Variants in COA6 observed in about 807,000 individuals in gnomAD.
COA6 encodes cytochrome c oxidase assembly factor 6 homolog.
COA6 carries 12 observed loss-of-function variants against 17.1 expected under a neutral mutation model. The observed-to-expected ratio is 0.70, with a 90% CI of 0.45 to 1.14. The LOEUF (loss-of-function observed/expected upper bound fraction) is 1.14. Among genes scored for constraint, COA6 ranks in the 50% most tolerant of loss-of-function variants. The pLI, the probability that COA6 is intolerant of heterozygous loss-of-function variation, is 0.00. For synonymous variants in COA6, 90 were observed against 73.4 expected, an observed-to-expected ratio of 1.23 and a Z score of -1.16; for missense variants, 246 against 196.5, an observed-to-expected ratio of 1.25 and a Z score of -1.51.
At position 234,384,307 on chromosome 1, in the gene COA6, G is replaced by A. The variant is rs1659068266; in HGVS notation, c.*489G>A. ...TAGCTAATATCAACACTTAATGTTG[G>A]GACAGGAACTGGATGTCTAGCTAGT... On this transcript the variant is annotated 3_prime_UTR_variant, in exon 3 of 3. Transcript: ENST00000366615. Among the ~76,000 whole-genome samples the A allele has an allele frequency of 6.6e-6, 1 of 151,978 alleles. No homozygotes were observed. Among genetic ancestry groups the A allele is most frequent in the Non-Finnish European group, 1.5e-5 (1 of 67,996 alleles).
At chr1:234,374,112 G>GTTTT (rs61077059) in intron 1 of COA6, 118 bp from the exon 2 acceptor site, 8 of 861,652 alleles carry the variant, frequency 9.3e-6, no homozygotes, top group Non-Finnish European at 1.2e-5. Flanking sequence ...TTTTGTTTTT[G>GTTTT]TTTTTTTTTT....
intron 2 of COA6, among the ~76,000 whole-genome samples, chr1:234,381,250 G>A (rs1283474124): frequency 1.3e-5 from 2 of 152,186 alleles, no homozygotes; most frequent in East Asian, 1.9e-4. Context: ...TCGCATATGT[G>A]TATACAGTAT....
chr1:234,379,176 G>A (rs977099033), intron 2 of COA6, among the ~76,000 whole-genome samples: 3 of 151,728 alleles, frequency 2.0e-5, no homozygotes, highest in African/African-American at 7.3e-5. Context: ...CACTGTGCCC[G>A]GCCATGGTTG....
chr1:234,375,574 C>T (rs1658768416), intron 2 of COA6, among the ~76,000 whole-genome samples: 1 of 152,188 alleles, frequency 6.6e-6, no homozygotes, highest in Non-Finnish European at 1.5e-5. Flanking sequence ...AAGGAGGCTA[C>T]AAGAAGGCTG....
chr1:234,382,723 G>A (rs1049691510), intron 2 of COA6, among the ~76,000 whole-genome samples: 5 of 152,160 alleles, frequency 3.3e-5, no homozygotes, highest in African/African-American at 1.2e-4. Flanking sequence ...AAGAAAAATG[G>A]TCCAGGCTCA....
chr1:234,382,651 A>G (rs764014181), intron 2 of COA6, among the ~76,000 whole-genome samples: 1 of 152,208 alleles, frequency 6.6e-6, no homozygotes, highest in Non-Finnish European at 1.5e-5. Flanking sequence ...ATCCAAAGAA[A>G]GGCTTTTAAC....
At chr1:234,374,102 TTTTG>T in intron 1 of COA6, 124 bp from the exon 2 acceptor site, 1 of 1,024,368 alleles carries the variant, frequency 9.8e-7, no homozygotes, top group Non-Finnish European at 1.3e-6. Flanking sequence ...CATGGTTTTG[TTTTG>T]TTTTTGTTTT....
At chr1:234,378,783 G>C (rs1287523663) in intron 2 of COA6, among the ~76,000 whole-genome samples, 1 of 152,148 alleles carries the variant, frequency 6.6e-6, no homozygotes, top group African/African-American at 2.4e-5. Context: ...TGAGGCAGGA[G>C]AATTGCTTGA....
At chr1:234,374,157 T>G in intron 1 of COA6, 73 bp from the exon 2 acceptor site, 3 of 1,372,076 alleles carry the variant, frequency 2.2e-6, no homozygotes, top group East Asian at 2.3e-5. Flanking sequence ...AGATTGACGG[T>G]TTTCCTCTTT....
At chr1:234,380,267 G>C (rs994519409) in intron 2 of COA6, among the ~76,000 whole-genome samples, 12 of 152,206 alleles carry the variant, frequency 7.9e-5, no homozygotes, top group African/African-American at 2.7e-4. Flanking sequence ...GCATAAGGGT[G>C]GGGAGGCACA....
At chr1:234,379,601 T>G (rs973612760) in intron 2 of COA6, among the ~76,000 whole-genome samples, 13 of 152,212 alleles carry the variant, frequency 8.5e-5, no homozygotes, top group African/African-American at 3.1e-4. Context: ...GTTTTCATAC[T>G]GCTATAAAGA....
intron 2 of COA6, among the ~76,000 whole-genome samples, chr1:234,377,133 T>TTTTTTTTGTTGTTGTTGTTGTTG (rs60899682): frequency 1.4e-5 from 1 of 69,546 alleles, no homozygotes; most frequent in African/African-American, 9.2e-5. Context: ...TTTTGTTTTT[T>TTTTTTTTGTTGTTGTTGTTGTTG]TTGTTGTTGT....
chr1:234,383,721 A>G lies in COA6; in HGVS notation c.373-2A>G. ...ATTTCAAATCCTTTTTTTTTCCAAC[A>G]GATAAAATATTTTGATAAAAGAAGA... On this transcript the variant is annotated splice_acceptor_variant, in intron 2 of 2. Coordinates refer to ENST00000366615, the MANE Select transcript of COA6 (RefSeq NM_001206641.3). LOFTEE classifies it high-confidence loss of function. The G allele has an allele frequency of 1.6e-6, 2 of 1,254,174 alleles. No individual in the cohort carries two copies. The highest frequency in any genetic ancestry group is 1.9e-5 in the Admixed American group (1 of 51,566). The allele number at this position is 1,254,174 out of a possible 1,614,324, so 77.7% of individuals were successfully genotyped here. A position where few individuals can be genotyped will look rare whatever the true frequency, so the allele number is the denominator to read the frequency against.
In COA6 at chr1:234,383,462, C is replaced by G. The variant is rs571423734; in HGVS notation, c.373-261C>G. Among the ~76,000 whole-genome samples, 20 of 151,776 alleles carry G rather than the reference C, an allele frequency of 1.3e-4. No homozygotes were observed. In the Middle Eastern group the frequency reaches 0.01, roughly 78 times the overall value. On this transcript the variant is annotated intron_variant, in intron 2 of 2. Transcript: ENST00000366615. ...ATGGCGAGTTACTGGGTGCAGCACA[C>G]CAACATGGCACATGTATACATATGT...
In COA6 at chr1:234,385,070, C is replaced by CT. The variant is rs1558127612; in HGVS notation, c.*1253dup. Among the ~76,000 whole-genome samples the CT allele has an allele frequency of 6.6e-6, 1 of 152,160 alleles. No homozygotes were observed. The highest frequency in any genetic ancestry group is 2.4e-5 in the African/African-American group (1 of 41,434). On this transcript the variant is annotated 3_prime_UTR_variant, in exon 3 of 3. Transcript: ENST00000366615. ...ATTACTAAAAAATGCTAAAGATTCT[C>CT]TGAGTCTTCAGCGAGTTGTCATCCT...
chr1:234,381,790 A>G (rs1658979450), intron 2 of COA6, among the ~76,000 whole-genome samples: 1 of 152,206 alleles, frequency 6.6e-6, no homozygotes, highest in African/African-American at 2.4e-5. Flanking sequence ...TGAAATAGGT[A>G]TTAGAGGAGA....
At chr1:234,383,620 C>A in intron 2 of COA6, 103 bp from the exon 3 acceptor site, 1 of 597,068 alleles carries the variant, frequency 1.7e-6, no homozygotes, top group East Asian at 2.8e-5. Context: ...GAATATAAAT[C>A]ACTTAAATTT....
At chr1:234,383,034 G>T (rs562139958) in intron 2 of COA6, among the ~76,000 whole-genome samples, 13 of 86,902 alleles carry the variant, frequency 1.5e-4, no homozygotes, top group African/African-American at 5.8e-4. Context: ...AGAGAGAGAA[G>T]GAAGGGAGGG....
intron 2 of COA6, 103 bp downstream of exon 2, chr1:234,374,492 AC>A (rs1201093633): frequency 8.1e-7 from 1 of 1,227,850 alleles, no homozygotes; most frequent in Non-Finnish European, 1.2e-6. Flanking sequence ...ATGTCAATTA[AC>A]AGTTTCTTTG....
Sources: gnomAD v4.1 joint callset for allele counts (sites outside exome capture counted in the v4.1 genomes callset) on GRCh38, gnomAD v4.1.1 for gene constraint, MANE v1.5 for transcripts, NCBI Gene and HGNC (gene_info 2026-07-23, HGNC 2026-07-21) for gene names.